Variants in ARHGAP23 observed in about 807,000 individuals in gnomAD.
ARHGAP23 encodes rho GTPase-activating protein 23.
Under a neutral mutation model 136.3 loss-of-function variants are expected in ARHGAP23, and 34 were observed. That is an observed-to-expected ratio of 0.25 (90% CI 0.19 to 0.33). The LOEUF (loss-of-function observed/expected upper bound fraction) is 0.33. Among genes scored for constraint, ARHGAP23 ranks in the 10% least tolerant of loss-of-function variants. The pLI is 1.00. For synonymous variants in ARHGAP23, 832 were observed against 920.5 expected, an observed-to-expected ratio of 0.90 and a Z score of 1.74; for missense variants, 1,808 against 2,139.0, an observed-to-expected ratio of 0.85 and a Z score of 3.05.
upstream of ARHGAP23, chr17:38,428,438 C>A (rs1159583862): frequency 7.9e-7 from 1 of 1,264,298 alleles, no homozygotes; most frequent in Non-Finnish European, 1.0e-6. Context: ...CGGGTCCCTG[C>A]CGGCGCCCCC....
intron 1 of ARHGAP23, among the ~76,000 whole-genome samples, chr17:38,440,082 C>T (rs1339068709): frequency 2.0e-5 from 3 of 151,854 alleles, no homozygotes; most frequent in South Asian, 2.1e-4. Context: ...AGTGCAATGG[C>T]GTGATCTCTG....
At chr17:38,434,452 G>C (rs1378776461) in intron 1 of ARHGAP23, among the ~76,000 whole-genome samples, 4 of 152,232 alleles carry the variant, frequency 2.6e-5, no homozygotes, top group Non-Finnish European at 4.4e-5. Context: ...TTCAAAGCTC[G>C]GCCTGAATCC....
chr17:38,461,596 C>T (rs963506258), intron 3 of ARHGAP23, among the ~76,000 whole-genome samples: 1 of 152,222 alleles, frequency 6.6e-6, no homozygotes, highest in African/African-American at 2.4e-5. Context: ...TGACCTAGAG[C>T]GGCCCATTTC....
rs1158724343 is a variant in ARHGAP23, at chr17:38,490,153, G to A, written c.3038G>A (p.Arg1013Gln). Reference protein sequence around the residue: ...EANRIEDARERMRTLRKLIRD... With the variant: ...EANRIEDAREQMRTLRKLIRD... ...AACCGCATTGAGGACGCGCGGGAGC[G>A]AATGAGGACGCTGCGGAAGCTGGTA... The change falls in exon 18 of 24, where the codon CGA becomes CAA. Residue 1013 changes from arginine to glutamine, a missense_variant. Physicochemically the swap from Arg to Gln is conservative, Grantham distance 43. Coordinates refer to ENST00000622683, the MANE Select transcript of ARHGAP23 (RefSeq NM_001199417.2). 1 of 1,551,734 alleles carries A rather than the reference G, an allele frequency of 6.4e-7. No homozygotes were observed. The highest frequency in any genetic ancestry group is 2.0e-5 in the Admixed American group (1 of 51,002).
At chr17:38,506,197 C>T (rs772393148) in intron 23 of ARHGAP23, among the ~76,000 whole-genome samples, 3 of 152,182 alleles carry the variant, frequency 2.0e-5, no homozygotes, top group Non-Finnish European at 2.9e-5. Flanking sequence ...TGAGCATTTG[C>T]TGTGTTACTG....
Position 38,439,707 on chromosome 17 carries a change from A to G in ARHGAP23, c.63+11159A>G, listed in dbSNP as rs1828496370. 2.0e-5 allele frequency among the ~76,000 whole-genome samples: 3 copies of G among 152,256 alleles called. No individual in the cohort carries two copies. The South Asian group carries it at 6.2e-4, about 32-fold the overall frequency. On this transcript the variant is annotated intron_variant, in intron 1 of 23. Transcript: ENST00000622683. ...GCTTAGGGAGGTTAGTAATTTGTCC[A>G]GTGACATACAGCTAGGAAGTGGGCC...
intron 1 of ARHGAP23, among the ~76,000 whole-genome samples, chr17:38,419,580 T>TCACACA (rs60358190): frequency 0.011 from 1,618 of 143,136 alleles, 15 homozygotes; most frequent in Middle Eastern, 0.022. Flanking sequence ...GACACAGAGC[T>TCACACA]CACACACACA....
At chr17:38,497,010 G>A (rs190882563) in intron 20 of ARHGAP23, among the ~76,000 whole-genome samples, 1 of 152,082 alleles carries the variant, frequency 6.6e-6, no homozygotes, top group East Asian at 1.9e-4. Flanking sequence ...GAGTTTAGCA[G>A]GGTATAAAAT....
At chr17:38,492,893 G>A (rs1274470066) in intron 20 of ARHGAP23, among the ~76,000 whole-genome samples, 1 of 152,228 alleles carries the variant, frequency 6.6e-6, no homozygotes, top group African/African-American at 2.4e-5. Context: ...TGTTTTGGGG[G>A]CAGCAGCAGG....
At position 38,510,665 on chromosome 17, in the gene ARHGAP23, G is replaced by A. The variant is rs1184362717; in HGVS notation, c.4169G>A (p.Arg1390Gln). The A allele has an allele frequency of 4.3e-6, 6 of 1,388,732 alleles. No individual in the cohort carries two copies. In the African/African-American group the frequency reaches 4.6e-5, roughly 11 times the overall value. 86.0% of individuals were successfully genotyped at this position (1,388,732 alleles called of 1,614,324 possible). A position where few individuals can be genotyped will look rare whatever the true frequency, so the allele number is the denominator to read the frequency against. ...ADDMLAVRLR[R>Q]PLSPETRRRR... ...GACATGCTCGCCGTGCGCCTGCGGC[G>A]GCCGCTGTCGCCCGAGACCCGGCGG... The change falls in exon 24 of 24, where the codon CGG becomes CAG. Residue 1390 changes from arginine to glutamine, a missense_variant. This residue lies in a region of ARHGAP23 where 506 missense variants were observed against 455.8 expected (regional missense o/e 1.11). Coordinates refer to ENST00000622683, the MANE Select transcript of ARHGAP23 (RefSeq NM_001199417.2). This position sits in a 1 kb window ranked among gnomAD's most constrained non-coding sequence, Gnocchi z 4.6.
At chr17:38,479,415 C>T in intron 12 of ARHGAP23, 21 bp from the exon 13 acceptor site, 1 of 1,538,414 alleles carries the variant, frequency 6.5e-7, no homozygotes, top group Non-Finnish European at 8.8e-7. Context: ...ACATGATCCG[C>T]TCTCTCCTCT....
At chr17:38,496,773 C>A (rs979189029) in intron 20 of ARHGAP23, among the ~76,000 whole-genome samples, 3 of 151,972 alleles carry the variant, frequency 2.0e-5, no homozygotes, top group Non-Finnish European at 4.4e-5. Context: ...GCCAACATGA[C>A]GAAACCCCAT....
At chr17:38,456,638 T>C (rs756420210) in intron 1 of ARHGAP23, among the ~76,000 whole-genome samples, 2 of 152,186 alleles carry the variant, frequency 1.3e-5, no homozygotes, top group Non-Finnish European at 2.9e-5. Flanking sequence ...GGGGTCCTCT[T>C]GGCTTTTCAA....
At chr17:38,496,070 A>G (rs1597839663) in intron 20 of ARHGAP23, among the ~76,000 whole-genome samples, 1 of 151,682 alleles carries the variant, frequency 6.6e-6, no homozygotes, top group African/African-American at 2.4e-5. Context: ...GCTAATTTTT[A>G]TATTTTTAGT....
intron 1 of ARHGAP23, among the ~76,000 whole-genome samples, chr17:38,446,789 A>G (rs1057004649): frequency 1.1e-4 from 17 of 151,762 alleles, no homozygotes; most frequent in Non-Finnish European, 2.5e-4. Flanking sequence ...TAGCAACTCC[A>G]CCATTTTATT....
Position 38,510,384 on chromosome 17 carries a change from G to T in ARHGAP23, c.3888G>T (p.Gly1296=). 1.6e-6 allele frequency: 2 copies of T among 1,244,092 alleles called. No individual in the cohort carries two copies. The highest frequency in any genetic ancestry group is 7.3e-5 in the South Asian group (2 of 27,454). 77.1% of individuals were successfully genotyped at this position (1,244,092 alleles called of 1,614,324 possible). Reference sequence around the variant, plus strand: ...ACACTGAGGGCGCGGCGGGCGCGGGGCCTGGGGGGCGCCTGACACGCCGGC... The same window carrying T: ...ACACTGAGGGCGCGGCGGGCGCGGGTCCTGGGGGGCGCCTGACACGCCGGC... ...ETDTEGAAGA[G]PGGRLTRRPS... Residue 1296 remains glycine (G), a synonymous_variant, in exon 24 of 24, where the codon GGG becomes GGT. Transcript: ENST00000622683. This position sits in a 1 kb window ranked among gnomAD's most constrained non-coding sequence, Gnocchi z 4.6.
intron 1 of ARHGAP23, among the ~76,000 whole-genome samples, chr17:38,421,449 C>G (rs185278367): frequency 6.6e-6 from 1 of 152,160 alleles, no homozygotes; most frequent in Non-Finnish European, 1.5e-5. Flanking sequence ...GCACCGGAAG[C>G]GTGGTGTGTA....
At chr17:38,428,592 T>C (rs1415018342) in intron 1 of ARHGAP23, 44 bp downstream of exon 1, 1 of 1,297,668 alleles carries the variant, frequency 7.7e-7, no homozygotes, top group Non-Finnish European at 9.9e-7. Context: ...CGGTAGCTGC[T>C]GGGGAGCGGG....
At position 38,490,144 on chromosome 17, in the gene ARHGAP23, C is replaced by A; in HGVS notation, c.3029C>A (p.Ala1010Glu). The change falls in exon 18 of 24, where the codon GCG (alanine) becomes GAG (glutamate). Residue 1010 changes from alanine (A) to glutamate (E), a missense_variant. Around this residue, in one of 7 missense-constraint regions of ARHGAP23, gnomAD observed 105 missense variants for 200.6 expected, o/e 0.52. Coordinates refer to ENST00000622683, the MANE Select transcript of ARHGAP23 (RefSeq NM_001199417.2). Reference sequence around the variant, plus strand: ...ATCGAGGCCAACCGCATTGAGGACGCGCGGGAGCGAATGAGGACGCTGCGG... The same window carrying A: ...ATCGAGGCCAACCGCATTGAGGACGAGCGGGAGCGAATGAGGACGCTGCGG... ...DFIEANRIEDARERMRTLRKL... is the reference protein window; with the variant it reads ...DFIEANRIEDERERMRTLRKL... 6.4e-7 allele frequency: 1 copy of A among 1,551,732 alleles called. No homozygotes were observed. Among genetic ancestry groups the A allele is most frequent in the Non-Finnish European group, 8.7e-7 (1 of 1,146,884 alleles).
Sources: gnomAD v4.1 joint callset for allele counts (sites outside exome capture counted in the v4.1 genomes callset) on GRCh38, gnomAD v4.1.1 for gene constraint, gnomAD v4.1.1 regional missense constraint, Gnocchi (gnomAD v3.1) non-coding constraint, MANE v1.5 for transcripts, NCBI Gene and HGNC (gene_info 2026-07-23, HGNC 2026-07-21) for gene names.